PCDHGA5: variants seen among roughly 807,000 people sequenced by gnomAD.
PCDHGA5 encodes protocadherin gamma-A5.
Under a neutral mutation model 56.7 loss-of-function variants are expected in PCDHGA5, and 36 were observed. That is an observed-to-expected ratio of 0.64 (90% CI 0.49 to 0.84). The LOEUF is 0.84. Ranked by LOEUF, PCDHGA5 falls within the 40% of genes least tolerant of loss-of-function variation. The pLI is 0.00. For missense variants in PCDHGA5, 1,305 were observed against 1,201.5 expected (o/e 1.09, Z -1.27); for synonymous variants, 563 against 520.2 (o/e 1.08, Z -1.12).
intron 1 of PCDHGA5, among the ~76,000 whole-genome samples, chr5:141,450,814 A>ATT (rs755856825): frequency 0.033 from 4,450 of 136,778 alleles, 81 homozygotes; most frequent in Middle Eastern, 0.081. Context: ...TTATTTATTT[A>ATT]ATATTATTAT....
chr5:141,381,720 T>G (rs1777381403), intron 1 of PCDHGA5, among the ~76,000 whole-genome samples: 1 of 152,132 alleles, frequency 6.6e-6, no homozygotes, highest in Non-Finnish European at 1.5e-5. Context: ...CTCACAAGAC[T>G]GGGAGTGAGA....
intron 1 of PCDHGA5, chr5:141,409,665 CCTACT>C (rs753951498): frequency 6.2e-7 from 1 of 1,613,576 alleles, no homozygotes; most frequent in Admixed American, 1.7e-5. Context: ...GGCCACATCT[CCTACT>C]CTATAGTGGC....
chr5:141,381,925 G>A (rs1777765051), intron 1 of PCDHGA5, among the ~76,000 whole-genome samples: 1 of 145,664 alleles, frequency 6.9e-6, no homozygotes, highest in Non-Finnish European at 1.5e-5. Flanking sequence ...CACCTCCCGG[G>A]TTCAAGCGAT....
chr5:141,384,471 G>T lies in PCDHGA5; in HGVS notation c.2421+17720G>T, dbSNP rs200621761. On this transcript the variant is annotated intron_variant, in intron 1 of 3. Coordinates refer to ENST00000518069, the MANE Select transcript of PCDHGA5 (RefSeq NM_018918.3). ...CGCTGCAATCCTTTGATTATGAGCA[G>T]TTGAGAGAACTACAACTAAGAGTGA... The T allele has an allele frequency of 1.4e-4, 226 of 1,614,000 alleles. No homozygotes were observed. The highest frequency in any genetic ancestry group is 4.2e-4 in the Admixed American group (25 of 60,010).
At position 141,383,329 on chromosome 5, in the gene PCDHGA5, G is replaced by A. The variant is rs143729030; in HGVS notation, c.2421+16578G>A. 347 of 1,613,980 alleles carry A rather than the reference G, an allele frequency of 2.1e-4. 3 individuals are homozygous for A. The East Asian group carries it at 5.6e-3, about 26-fold the overall frequency. On this transcript the variant is annotated intron_variant, in intron 1 of 3. Transcript: ENST00000518069. ...GGAAGAAATAAATGTAAAAATAATG[G>A]AGAATACAGCTCCTGGGGTTCGGTT...
chr5:141,482,890 G>C (rs577635020), intron 1 of PCDHGA5, among the ~76,000 whole-genome samples: 10 of 152,274 alleles, frequency 6.6e-5, no homozygotes, highest in African/African-American at 2.4e-4. Flanking sequence ...TGGCCAACAT[G>C]GTGAAACCTC....
intron 1 of PCDHGA5, chr5:141,395,150 C>G: frequency 6.2e-7 from 1 of 1,614,162 alleles, no homozygotes; most frequent in Non-Finnish European, 8.5e-7. Flanking sequence ...CAGACATGCT[C>G]ATCAGTCAGG....
At chr5:141,374,208 G>C in intron 1 of PCDHGA5, 1 of 1,613,952 alleles carries the variant, frequency 6.2e-7, no homozygotes, top group Non-Finnish European at 8.5e-7. Context: ...CTGGAGAAAG[G>C]CTCCTTCGTA....
rs1319252902 is a variant in PCDHGA5, at chr5:141,365,643, T to A, written c.1313T>A (p.Ile438Asn). ...GTPPLSTESH[I>N]PLKVADVNDN... ...CCGCCCCTCTCTACAGAAAGCCACA[T>A]CCCCTTGAAAGTAGCAGACGTTAAT... is the stretch of plus-strand genomic sequence containing the variant. The change falls in exon 1 of 4, where the codon ATC (isoleucine) becomes AAC (asparagine). Residue 438 changes from isoleucine to asparagine, a missense_variant. By Grantham distance (149) the Ile-to-Asn change is moderately radical. Coordinates refer to ENST00000518069, the MANE Select transcript of PCDHGA5 (RefSeq NM_018918.3). 6.2e-6 allele frequency: 10 copies of A among 1,613,296 alleles called. No individual in the cohort carries two copies. Among genetic ancestry groups the A allele is most frequent in the Non-Finnish European group, 8.5e-6 (10 of 1,179,830 alleles).
At chr5:141,483,988 G>A (rs78891657) in intron 1 of PCDHGA5, among the ~76,000 whole-genome samples, 1,520 of 149,036 alleles carry the variant, frequency 0.01, 30 homozygotes, top group African/African-American at 0.037. Flanking sequence ...TAGCTAGGTT[G>A]CTGGGAGGTC....
rs1349189547 is a variant in PCDHGA5 at position 141,432,777 on chromosome 5, C to T, written c.2422-62030C>T. Reference sequence around the variant, plus strand: ...GCCGACAGCATCCCCCAAGTCCTGGCGGACCTCGGCAGCCTCGAGTCTCCA... The same window carrying T: ...GCCGACAGCATCCCCCAAGTCCTGGTGGACCTCGGCAGCCTCGAGTCTCCA... On this transcript the variant is annotated intron_variant, in intron 1 of 3. Coordinates refer to ENST00000518069, the MANE Select transcript of PCDHGA5 (RefSeq NM_018918.3). This position sits in a 1 kb window ranked among gnomAD's most constrained non-coding sequence, Gnocchi z 6.0. The T allele has an allele frequency of 6.2e-6, 10 of 1,614,154 alleles. No individual in the cohort carries two copies. The highest frequency in any genetic ancestry group is 7.6e-6 in the Non-Finnish European group (9 of 1,179,992).
intron 1 of PCDHGA5, chr5:141,478,509 G>A: frequency 1.2e-6 from 2 of 1,611,878 alleles, no homozygotes; most frequent in South Asian, 1.1e-5. Flanking sequence ...GTGTTCTATA[G>A]GCAGGTGTTG....
At chr5:141,437,096 C>T (rs989863634) in intron 1 of PCDHGA5, among the ~76,000 whole-genome samples, 6 of 152,122 alleles carry the variant, frequency 3.9e-5, no homozygotes, top group Non-Finnish European at 8.8e-5. Context: ...AAACTAACGG[C>T]TTAGCTTTAG....
chr5:141,477,867 C>CGGT lies in PCDHGA5; in HGVS notation c.2422-16940_2422-16939insGGT. On this transcript the variant is annotated intron_variant, in intron 1 of 3. Transcript: ENST00000518069. This position sits in a 1 kb window ranked among gnomAD's most constrained non-coding sequence, Gnocchi z 4.9. ...TCGGTGGAGATGCTGCCTCGAGGTA[C>CGGT]CTCAGCTGGCCACCTAGTGTCACGG... 6.2e-7 allele frequency: 1 copy of CGGT among 1,613,614 alleles called. No homozygotes were observed. Among genetic ancestry groups the CGGT allele is most frequent in the Non-Finnish European group, 8.5e-7 (1 of 1,179,854 alleles).
intron 1 of PCDHGA5, chr5:141,475,986 G>T: frequency 2.8e-6 from 3 of 1,089,866 alleles, no homozygotes; most frequent in Non-Finnish European, 3.9e-6. Context: ...CAGCCGGCGA[G>T]CAAATCAACG....
chr5:141,410,251 C>T, intron 1 of PCDHGA5: 1 of 1,614,016 alleles, frequency 6.2e-7, no homozygotes, highest in Non-Finnish European at 8.5e-7. Flanking sequence ...TACTCTCTGA[C>T]CCCCAGGCTG....
chr5:141,413,649 C>G, intron 1 of PCDHGA5: 1 of 1,613,836 alleles, frequency 6.2e-7, no homozygotes, highest in South Asian at 1.1e-5. Flanking sequence ...GTTTTCCTCT[C>G]CCGGAAGCTA....
chr5:141,392,964 G>A (rs772870041), intron 1 of PCDHGA5: 2 of 1,613,902 alleles, frequency 1.2e-6, no homozygotes, highest in South Asian at 1.1e-5. Context: ...TATCTCCAAG[G>A]ACCTGGGGCT....
chr5:141,375,759 C>A lies in PCDHGA5; in HGVS notation c.2421+9008C>A, dbSNP rs757946718. 3.7e-6 allele frequency: 6 copies of A among 1,614,126 alleles called. No individual in the cohort carries two copies. The African/African-American group carries it at 5.3e-5, about 14-fold the overall frequency. ...TTTGTGCTGGACCAGAATGACAATG[C>A]GCCCGAGATCCTGTACCCCGCCCTC... On this transcript the variant is annotated intron_variant, in intron 1 of 3. Coordinates refer to ENST00000518069, the MANE Select transcript of PCDHGA5 (RefSeq NM_018918.3).
Sources: gnomAD v4.1 joint callset for allele counts (sites outside exome capture counted in the v4.1 genomes callset) on GRCh38, gnomAD v4.1.1 for gene constraint, Gnocchi (gnomAD v3.1) non-coding constraint, MANE v1.5 for transcripts, NCBI Gene and HGNC (gene_info 2026-07-23, HGNC 2026-07-21) for gene names.